Variants in LINGO2 observed in about 807,000 individuals in gnomAD.
LINGO2 encodes the protein leucine-rich repeat and immunoglobulin-like domain-containing nogo receptor-interacting protein 2.
LINGO2 carries 14 observed loss-of-function variants against 30.6 expected under a neutral mutation model. That is an observed-to-expected ratio of 0.46 (90% CI 0.30 to 0.72). The LOEUF (loss-of-function observed/expected upper bound fraction) is 0.72. Ranked by LOEUF, LINGO2 falls within the 30% of genes least tolerant of loss-of-function variation. The pLI, the probability that LINGO2 is intolerant of heterozygous loss-of-function variation, is 0.07. For synonymous variants in LINGO2, 317 were observed against 288.5 expected, an observed-to-expected ratio of 1.10 and a Z score of -1.00; for missense variants, 729 against 751.7, an observed-to-expected ratio of 0.97 and a Z score of 0.35.
chr9:28,801,118 T>C, the LINGO2 span, among the ~76,000 whole-genome samples: 1 of 152,160 alleles, frequency 6.6e-6, no homozygotes, highest in East Asian at 1.9e-4. Context: ...TTTTGAAGCA[T>C]TAACCCTCAA....
intron 4 of LINGO2, among the ~76,000 whole-genome samples, chr9:28,188,760 T>G (rs1464276189): frequency 6.6e-6 from 1 of 152,172 alleles, no homozygotes; most frequent in African/African-American, 2.4e-5. Flanking sequence ...ATTCCCATAA[T>G]TAATAAATAA....
chr9:28,415,363 A>G (rs1433696950), intron 2 of LINGO2, among the ~76,000 whole-genome samples: 1 of 152,160 alleles, frequency 6.6e-6, no homozygotes, highest in Admixed American at 6.6e-5. Context: ...CAGGCAGGAT[A>G]ATATATTTTA....
At chr9:28,336,462 T>C (rs1286663229) in intron 3 of LINGO2, among the ~76,000 whole-genome samples, 2 of 152,182 alleles carry the variant, frequency 1.3e-5, no homozygotes, top group African/African-American at 4.8e-5. Flanking sequence ...GATTTCTTTT[T>C]GGTAAATGTA....
At chr9:28,684,175 C>CTTTTTTTTTTTTTTTT in the LINGO2 span, among the ~76,000 whole-genome samples, 1 of 45,430 alleles carries the variant, frequency 2.2e-5, no homozygotes, top group Non-Finnish European at 3.8e-5. Flanking sequence ...AAATGTTTAT[C>CTTTTTTTTTTTTTTTT]TTTTTTTTTT....
the LINGO2 span, among the ~76,000 whole-genome samples, chr9:28,820,247 A>G: frequency 1.8e-5 from 1 of 55,914 alleles, no homozygotes; most frequent in Non-Finnish European, 3.2e-5. Context: ...AGAAAAGATG[A>G]AAAAAAAAAA....
In LINGO2 at chr9:28,430,097, C is replaced by CGCGCGT. The variant is rs34753091; in HGVS notation, c.-279+45842_-279+45843insACGCGC. On this transcript the variant is annotated intron_variant, in intron 2 of 5. Transcript: ENST00000379992. The stretch of plus-strand genomic sequence containing the variant: ...AGGGAGAGGGAGAGGCTGATTTCCA[C>CGCGCGT]GCGCGCGCGCGCGTGTGTGTGTGTG... Among the ~76,000 whole-genome samples the CGCGCGT allele has an allele frequency of 8.3e-4, 39 of 47,188 alleles. 1 individual carries two copies. The highest frequency in any genetic ancestry group is 8.3e-3 in the Middle Eastern group (1 of 120). The allele number at this position is 47,188 out of a possible 152,430, so 31.0% of individuals were successfully genotyped here.
At chr9:28,826,930 C>A in the LINGO2 span, among the ~76,000 whole-genome samples, 1 of 152,076 alleles carries the variant, frequency 6.6e-6, no homozygotes, top group Admixed American at 6.6e-5. Flanking sequence ...ATTTCTGAAA[C>A]CCAGTTTCTG....
chr9:28,410,837 C>T (rs1324835587), intron 2 of LINGO2, among the ~76,000 whole-genome samples: 1 of 152,042 alleles, frequency 6.6e-6, no homozygotes, highest in Non-Finnish European at 1.5e-5. Flanking sequence ...ACTCAATCGT[C>T]AGGCAAAAAT....
intron 3 of LINGO2, among the ~76,000 whole-genome samples, chr9:28,316,746 A>G (rs934513835): frequency 6.6e-6 from 1 of 152,214 alleles, no homozygotes; most frequent in African/African-American, 2.4e-5. Context: ...AACTAAGTAT[A>G]TAAGATTATA....
the LINGO2 span, among the ~76,000 whole-genome samples, chr9:28,848,045 GTATATA>G: frequency 0.022 from 384 of 17,824 alleles, 84 homozygotes; most frequent in African/African-American, 0.07. Flanking sequence ...ACTATATATA[GTATATA>G]TATATATATA....
chr9:28,506,806 T>C (rs889523353), intron 1 of LINGO2, among the ~76,000 whole-genome samples: 1 of 151,632 alleles, frequency 6.6e-6, no homozygotes, highest in African/African-American at 2.4e-5. Flanking sequence ...AAGTACTGAG[T>C]GTAAGAACTG....
chr9:28,094,511 A>T (rs1402991555), intron 4 of LINGO2, among the ~76,000 whole-genome samples: 6 of 144,164 alleles, frequency 4.2e-5, no homozygotes, highest in African/African-American at 1.6e-4. Flanking sequence ...GAGAAAGGGG[A>T]TATGTGTGTG....
the LINGO2 span, among the ~76,000 whole-genome samples, chr9:29,016,811 A>G: frequency 6.6e-6 from 1 of 152,324 alleles, no homozygotes; most frequent in South Asian, 2.1e-4. Context: ...AGCAAAATTT[A>G]ATAGCCAAAA....
the LINGO2 span, among the ~76,000 whole-genome samples, chr9:29,025,422 C>T: frequency 1.2e-4 from 18 of 152,036 alleles, no homozygotes; most frequent in African/African-American, 4.1e-4. Flanking sequence ...CAAAAAGTCA[C>T]GATTGATGAG....
At chr9:28,576,357 T>G (rs1253515879) in intron 1 of LINGO2, among the ~76,000 whole-genome samples, 1 of 152,194 alleles carries the variant, frequency 6.6e-6, no homozygotes, top group Non-Finnish European at 1.5e-5. Flanking sequence ...TTTTGCACCA[T>G]GGTAAACTAA....
the LINGO2 span, among the ~76,000 whole-genome samples, chr9:28,898,028 T>C: frequency 6.6e-6 from 1 of 152,094 alleles, no homozygotes; most frequent in Non-Finnish European, 1.5e-5. Flanking sequence ...AGTAAAGAAA[T>C]AATTCTTTCC....
the LINGO2 span, among the ~76,000 whole-genome samples, chr9:29,099,658 G>T: frequency 6.6e-6 from 1 of 152,066 alleles, no homozygotes; most frequent in Non-Finnish European, 1.5e-5. Context: ...GATCATCAGA[G>T]AATGCAAATC....
chr9:29,005,606 C>T, the LINGO2 span, among the ~76,000 whole-genome samples: 2 of 151,972 alleles, frequency 1.3e-5, no homozygotes, highest in Admixed American at 6.6e-5. Context: ...AATATAGTTG[C>T]CCCTCCGTAT....
intron 3 of LINGO2, among the ~76,000 whole-genome samples, chr9:28,353,154 G>A (rs1819986028): frequency 7.1e-6 from 1 of 140,440 alleles, no homozygotes; most frequent in East Asian, 2.1e-4. Flanking sequence ...TGACAAATGG[G>A]ATCTAATTAA....
Sources: allele counts gnomAD v4.1 joint callset (sites outside exome capture counted in the v4.1 genomes callset), GRCh38; gene constraint gnomAD v4.1.1; transcripts MANE v1.5; gene names NCBI Gene and HGNC (gene_info 2026-07-23, HGNC 2026-07-21).